Variants in ZMIZ1 observed in about 807,000 individuals in gnomAD.
The protein encoded by ZMIZ1 is zinc finger MIZ domain-containing protein 1.
In ZMIZ1, 17 loss-of-function variants were observed where a neutral mutation model predicts 113.9. That is an observed-to-expected ratio of 0.15 (90% CI 0.10 to 0.22). The LOEUF (loss-of-function observed/expected upper bound fraction) is 0.22, where lower values mean the gene tolerates loss of function less well. ZMIZ1 is among the 10% of genes least tolerant of loss of function. The probability of loss-of-function intolerance (pLI) is 1.00; values close to 1 mark genes in which losing one functional copy is unlikely to be tolerated. For missense variants in ZMIZ1, 1,059 were observed against 1,477.8 expected (o/e 0.72, Z 4.65); for synonymous variants, 607 against 603.1 (o/e 1.01, Z -0.09).
At chr10:79,099,167 G>T (rs923778331) in intron 1 of ZMIZ1, among the ~76,000 whole-genome samples, 7 of 152,258 alleles carry the variant, frequency 4.6e-5, no homozygotes, top group Admixed American at 3.3e-4. Context: ...GGGTCCCTAG[G>T]CTGTGGGGGT....
At chr10:79,142,098 C>T (rs1845296023) in intron 3 of ZMIZ1, among the ~76,000 whole-genome samples, 1 of 152,104 alleles carries the variant, frequency 6.6e-6, no homozygotes, top group African/African-American at 2.4e-5. Context: ...GGACAGGAGC[C>T]AGTGGTAGAA....
In ZMIZ1 at chr10:79,149,009, A is replaced by C. The variant is rs567553798; in HGVS notation, c.-131+9232A>C. 2.5e-3 allele frequency among the ~76,000 whole-genome samples: 383 copies of C among 152,374 alleles called. 1 individual carries two copies. Among genetic ancestry groups the C allele is most frequent in the Non-Finnish European group, 4.7e-3 (322 of 68,032 alleles). On this transcript the variant is annotated intron_variant, in intron 3 of 24. Coordinates refer to ENST00000334512, the MANE Select transcript of ZMIZ1 (RefSeq NM_020338.4). ...TGGCAGCCAGGGTGTGGCTAAAGTC[A>C]GTTCCTGCCTAAGCTGGGCTGACCC...
chr10:79,103,269 C>T (rs1012657140), intron 1 of ZMIZ1, among the ~76,000 whole-genome samples: 15 of 150,156 alleles, frequency 1.0e-4, no homozygotes, highest in African/African-American at 2.7e-4. Flanking sequence ...GCCAGCTGCA[C>T]GGGGCTCGAG....
At chr10:79,082,169 C>T (rs1226018206) in intron 1 of ZMIZ1, among the ~76,000 whole-genome samples, 2 of 150,840 alleles carry the variant, frequency 1.3e-5, no homozygotes, top group African/African-American at 4.9e-5. Context: ...GCGGCTGGGC[C>T]TTTCGGCTCT....
intron 10 of ZMIZ1, among the ~76,000 whole-genome samples, chr10:79,291,614 C>G (rs1257565867): frequency 6.6e-6 from 1 of 152,184 alleles, no homozygotes; most frequent in Non-Finnish European, 1.5e-5. Context: ...GCAGAGACTG[C>G]GAGTCCCTTG....
chr10:79,098,391 A>G (rs1843243812), intron 1 of ZMIZ1, among the ~76,000 whole-genome samples: 1 of 152,170 alleles, frequency 6.6e-6, no homozygotes. Context: ...TAGCTCCCAC[A>G]CTTAGCAGCT....
intron 7 of ZMIZ1, among the ~76,000 whole-genome samples, chr10:79,275,913 T>TTG (rs1589543302): frequency 6.6e-6 from 1 of 152,212 alleles, no homozygotes; most frequent in African/African-American, 2.4e-5. Context: ...CAGAAGCACG[T>TTG]TGTGCAGCAT....
chr10:79,217,397 C>G lies in ZMIZ1; in HGVS notation c.280+1123C>G, dbSNP rs1009272477. 3.9e-5 allele frequency among the ~76,000 whole-genome samples: 6 copies of G among 152,016 alleles called. No homozygotes were observed. In the East Asian group the frequency reaches 9.7e-4, roughly 24 times the overall value. ...CCGAGATCGCGCCACTGCACTCCAG[C>G]CTGGGTGACAGAGGGAGACTCCGTC... On this transcript the variant is annotated intron_variant, in intron 7 of 24. Coordinates refer to ENST00000334512, the MANE Select transcript of ZMIZ1 (RefSeq NM_020338.4).
At chr10:79,171,727 TC>T (rs1356183702) in intron 4 of ZMIZ1, among the ~76,000 whole-genome samples, 2 of 152,146 alleles carry the variant, frequency 1.3e-5, no homozygotes, top group Non-Finnish European at 2.9e-5. Context: ...ATGGAAGGCT[TC>T]CTGGAGGAGG....
intron 3 of ZMIZ1, among the ~76,000 whole-genome samples, chr10:79,149,603 G>A (rs549986933): frequency 5.9e-5 from 9 of 152,326 alleles, no homozygotes; most frequent in East Asian, 5.8e-4. Flanking sequence ...GCCAAGTCAG[G>A]GTGGGGTGAA....
chr10:79,161,229 C>T (rs934946182), intron 3 of ZMIZ1, among the ~76,000 whole-genome samples: 3 of 152,224 alleles, frequency 2.0e-5, no homozygotes, highest in African/African-American at 7.2e-5. Flanking sequence ...AGCGTCCCCA[C>T]TGCTCTTCTG....
intron 1 of ZMIZ1, among the ~76,000 whole-genome samples, chr10:79,079,180 C>T (rs557730622): frequency 6.6e-6 from 1 of 152,356 alleles, no homozygotes; most frequent in Admixed American, 6.5e-5. Context: ...GTCCCAAGAG[C>T]AAGGCCAACT....
intron 7 of ZMIZ1, among the ~76,000 whole-genome samples, chr10:79,266,127 GC>G (rs889028561): frequency 1.1e-4 from 16 of 152,234 alleles, no homozygotes; most frequent in African/African-American, 3.4e-4. Flanking sequence ...AGAGAGCAGT[GC>G]CCACCCCCTG....
At chr10:79,170,967 C>A (rs1277141148) in intron 4 of ZMIZ1, among the ~76,000 whole-genome samples, 1 of 152,170 alleles carries the variant, frequency 6.6e-6, no homozygotes, top group Non-Finnish European at 1.5e-5. Flanking sequence ...AGGACAGGTC[C>A]GAGGGGCTGC....
rs570520774 is a variant in ZMIZ1 at position 79,285,529 on chromosome 10, C to T, written c.426-4246C>T. 7.0e-4 allele frequency: 317 copies of T among 456,114 alleles called. 3 individuals carry two copies. The highest frequency in any genetic ancestry group is 4.5e-3 in the South Asian group (292 of 64,566). The allele number at this position is 456,114 out of a possible 1,614,324, so 28.3% of individuals were successfully genotyped here. ...CTGTGTCCTTCTCTCACTTTCTGGGCCCCAGTGGCCATGTGGCCACAGACA... is the reference window on the plus strand; with the variant it reads ...CTGTGTCCTTCTCTCACTTTCTGGGTCCCAGTGGCCATGTGGCCACAGACA... On this transcript the variant is annotated intron_variant, in intron 8 of 24. Transcript: ENST00000334512.
chr10:79,149,913 AG>A (rs1388662391), intron 3 of ZMIZ1, among the ~76,000 whole-genome samples: 2 of 152,222 alleles, frequency 1.3e-5, no homozygotes, highest in African/African-American at 4.8e-5. Context: ...ACTTTTGTCG[AG>A]GCCTCACACT....
At chr10:79,246,059 T>C (rs548898369) in intron 7 of ZMIZ1, among the ~76,000 whole-genome samples, 2 of 152,378 alleles carry the variant, frequency 1.3e-5, no homozygotes, top group South Asian at 2.1e-4. Flanking sequence ...CCTGTTTCTC[T>C]AGCATTTGTT....
intron 4 of ZMIZ1, among the ~76,000 whole-genome samples, chr10:79,200,908 C>T (rs1436934299): frequency 6.6e-6 from 1 of 152,186 alleles, no homozygotes; most frequent in Non-Finnish European, 1.5e-5. Flanking sequence ...TGAACACACA[C>T]ACACATACAC....
At chr10:79,097,944 CA>C (rs1564648663) in intron 1 of ZMIZ1, among the ~76,000 whole-genome samples, 2 of 152,170 alleles carry the variant, frequency 1.3e-5, no homozygotes, top group Non-Finnish European at 2.9e-5. Flanking sequence ...CGTAGACGGG[CA>C]AAGCCTTTGG....
Sources: gnomAD v4.1 joint callset for allele counts (sites outside exome capture counted in the v4.1 genomes callset) on GRCh38, gnomAD v4.1.1 for gene constraint, MANE v1.5 for transcripts, NCBI Gene and HGNC (gene_info 2026-07-23, HGNC 2026-07-21) for gene names.